Variants in CD247 observed in about 807,000 individuals in gnomAD.
CD247 encodes the protein T-cell surface glycoprotein CD3 zeta chain.
Under a neutral mutation model 30.0 loss-of-function variants are expected in CD247, and 13 were observed. The ratio of observed to expected loss-of-function variants is 0.43; its 90% CI spans 0.28 to 0.69. CD247 has a LOEUF of 0.69. Among genes scored for constraint, CD247 ranks in the 30% least tolerant of loss-of-function variants. The probability of loss-of-function intolerance (pLI) is 0.16; values close to 1 mark genes in which losing one functional copy is unlikely to be tolerated. For missense variants in CD247, 193 were observed against 212.6 expected (o/e 0.91, Z 0.57); for synonymous variants, 72 against 80.0 (o/e 0.90, Z 0.53).
chr1:167,450,004 T>A (rs1209014981), intron 1 of CD247, among the ~76,000 whole-genome samples: 2 of 152,248 alleles, frequency 1.3e-5, no homozygotes, highest in African/African-American at 4.8e-5. Context: ...ATTTCATATA[T>A]TCATATTTCA....
At chr1:167,443,132 A>G (rs1651918826) in intron 1 of CD247, among the ~76,000 whole-genome samples, 1 of 152,192 alleles carries the variant, frequency 6.6e-6, no homozygotes, top group Non-Finnish European at 1.5e-5. Context: ...ATGTCGGTTC[A>G]AGAGCCTATA....
chr1:167,517,647 C>G (rs973494215), intron 1 of CD247, among the ~76,000 whole-genome samples: 1 of 152,210 alleles, frequency 6.6e-6, no homozygotes, highest in Non-Finnish European at 1.5e-5. Context: ...TCATCTGCCC[C>G]GTGTTCTGTC....
chr1:167,437,008 T>C (rs2995082), intron 4 of CD247, among the ~76,000 whole-genome samples: 69,627 of 152,010 alleles, frequency 0.46, 16,074 homozygotes, highest in Middle Eastern at 0.6. Flanking sequence ...GTCTGCTTGT[T>C]GAAGAAATGT....
At chr1:167,509,358 A>G (rs1655282000) in intron 1 of CD247, among the ~76,000 whole-genome samples, 1 of 148,716 alleles carries the variant, frequency 6.7e-6, no homozygotes, top group Non-Finnish European at 1.5e-5. Flanking sequence ...GAGCGAAGCG[A>G]AACTCTGTCT....
At chr1:167,493,037 C>CTTTTT (rs60850667) in intron 1 of CD247, among the ~76,000 whole-genome samples, 62 of 80,354 alleles carry the variant, frequency 7.7e-4, no homozygotes, top group African/African-American at 8.3e-4. Context: ...AATTTTTCTC[C>CTTTTT]TTTTTTTTTT....
At chr1:167,462,773 G>T (rs1653081968) in intron 1 of CD247, among the ~76,000 whole-genome samples, 1 of 152,112 alleles carries the variant, frequency 6.6e-6, no homozygotes. Flanking sequence ...CTCCCTGCAG[G>T]CCTGAAGCCC....
intron 1 of CD247, among the ~76,000 whole-genome samples, chr1:167,468,960 A>T (rs1653387335): frequency 6.6e-6 from 1 of 151,770 alleles, no homozygotes; most frequent in Non-Finnish European, 1.5e-5. Flanking sequence ...ACTGCAATAA[A>T]AAAAAAAAAA....
At chr1:167,509,672 T>C (rs1655305333) in intron 1 of CD247, among the ~76,000 whole-genome samples, 1 of 152,180 alleles carries the variant, frequency 6.6e-6, no homozygotes, top group Non-Finnish European at 1.5e-5. Flanking sequence ...TAGGGAACTA[T>C]TTCTGTTGGG....
chr1:167,484,396 C>A (rs1286634273), intron 1 of CD247, among the ~76,000 whole-genome samples: 1 of 152,216 alleles, frequency 6.6e-6, no homozygotes, highest in Non-Finnish European at 1.5e-5. Context: ...CTCTGTACAC[C>A]CTTCCCCTTT....
At chr1:167,463,279 C>T (rs982915199) in intron 1 of CD247, among the ~76,000 whole-genome samples, 1 of 152,140 alleles carries the variant, frequency 6.6e-6, no homozygotes, top group Non-Finnish European at 1.5e-5. Context: ...TCCAGGCAGG[C>T]CAGGTACAGA....
chr1:167,501,073 TG>T (rs750687066), intron 1 of CD247, among the ~76,000 whole-genome samples: 3,652 of 145,396 alleles, frequency 0.025, 67 homozygotes, highest in Non-Finnish European at 0.035. Flanking sequence ...TTTTTTTTTT[TG>T]ACCGAGTTTT....
intron 1 of CD247, among the ~76,000 whole-genome samples, chr1:167,485,854 AC>A (rs1350541794): frequency 6.6e-6 from 1 of 152,036 alleles, no homozygotes. Flanking sequence ...GAGCTCTGAG[AC>A]CAAGAGGGCT....
intron 1 of CD247, among the ~76,000 whole-genome samples, chr1:167,445,329 C>G (rs1352349248): frequency 6.6e-6 from 1 of 152,082 alleles, no homozygotes; most frequent in Admixed American, 6.6e-5. Flanking sequence ...TTGTTACTGC[C>G]ATGATTTCTA....
At chr1:167,436,470 G>A (rs560508127) in intron 4 of CD247, among the ~76,000 whole-genome samples, 4 of 152,262 alleles carry the variant, frequency 2.6e-5, no homozygotes, top group Non-Finnish European at 5.9e-5. Flanking sequence ...GGTCCCAGCC[G>A]AGCAATTAGC....
intron 4 of CD247, 51 bp from the exon 5 acceptor site, chr1:167,435,485 C>T: frequency 6.7e-7 from 1 of 1,484,480 alleles, no homozygotes; most frequent in South Asian, 1.1e-5. Flanking sequence ...CAAACCCAAG[C>T]CATGAAAGTA....
chr1:167,461,488 A>C (rs1311136895), intron 1 of CD247, among the ~76,000 whole-genome samples: 1 of 152,214 alleles, frequency 6.6e-6, no homozygotes, highest in Non-Finnish European at 1.5e-5. Context: ...GGGTGATTTA[A>C]ATTTTCTTTA....
At chr1:167,462,448 A>G (rs1337492379) in intron 1 of CD247, among the ~76,000 whole-genome samples, 2 of 152,212 alleles carry the variant, frequency 1.3e-5, no homozygotes, top group African/African-American at 4.8e-5. Flanking sequence ...TCTCCTCGAC[A>G]CAGAAGTCAC....
chr1:167,469,171 C>G (rs1300829350), intron 1 of CD247, among the ~76,000 whole-genome samples: 1 of 152,062 alleles, frequency 6.6e-6, no homozygotes, highest in Non-Finnish European at 1.5e-5. Flanking sequence ...TTAGTAGAGA[C>G]AGGGTTTCAC....
At chr1:167,496,255 AG>A (rs1654686993) in intron 1 of CD247, among the ~76,000 whole-genome samples, 1 of 152,236 alleles carries the variant, frequency 6.6e-6, no homozygotes, top group African/African-American at 2.4e-5. Flanking sequence ...TGCTCATCAC[AG>A]TAGTGTTCCC....
Sources: gnomAD v4.1 joint callset for allele counts (sites outside exome capture counted in the v4.1 genomes callset) on GRCh38, gnomAD v4.1.1 for gene constraint, MANE v1.5 for transcripts, NCBI Gene and HGNC (gene_info 2026-07-23, HGNC 2026-07-21) for gene names.